Variants in JMJD1C observed in about 807,000 individuals in gnomAD.
JMJD1C encodes the protein jumonji domain-containing protein 1C.
In JMJD1C, 31 loss-of-function variants were observed where a neutral mutation model predicts 245.3. The ratio of observed to expected loss-of-function variants is 0.13; its 90% CI spans 0.09 to 0.17. JMJD1C has a LOEUF of 0.17. JMJD1C is among the 10% of genes least tolerant of loss of function. JMJD1C has a pLI of 1.00. For synonymous variants in JMJD1C, 1,057 were observed against 1,017.4 expected (o/e 1.04, Z -0.74); for missense variants, 2,691 against 3,000.2 (o/e 0.90, Z 2.41).
intron 24 of JMJD1C, among the ~76,000 whole-genome samples, chr10:63,171,180 TA>T (rs144129186): frequency 1.2e-4 from 18 of 148,640 alleles, no homozygotes; most frequent in Admixed American, 1.3e-4. Context: ...TGTGTTAACT[TA>T]AAAAAAAAAC....
At chr10:63,225,172 C>T (rs1849112372) in intron 3 of JMJD1C, among the ~76,000 whole-genome samples, 1 of 151,946 alleles carries the variant, frequency 6.6e-6, no homozygotes, top group Admixed American at 6.6e-5. Flanking sequence ...ATAACTAATA[C>T]CTATTAATTT....
chr10:63,213,261 T>G (rs561114225), intron 8 of JMJD1C, among the ~76,000 whole-genome samples: 1 of 151,984 alleles, frequency 6.6e-6, no homozygotes, highest in East Asian at 1.9e-4. Context: ...TCTAAAAAGT[T>G]TTACTTCTTT....
At chr10:63,199,764 C>T (rs144208918) in intron 11 of JMJD1C, among the ~76,000 whole-genome samples, 5 of 152,204 alleles carry the variant, frequency 3.3e-5, no homozygotes, top group East Asian at 3.9e-4. Context: ...CTTATCAACA[C>T]GTATTTTTGG....
chr10:63,363,999 T>G (rs1421825374), intron 2 of JMJD1C, among the ~76,000 whole-genome samples: 1 of 151,732 alleles, frequency 6.6e-6, no homozygotes, highest in Non-Finnish European at 1.5e-5. Context: ...GGGATTACAG[T>G]AATGCGCCAC....
chr10:63,234,506 A>AC (rs1850439855), intron 3 of JMJD1C, among the ~76,000 whole-genome samples: 2 of 148,630 alleles, frequency 1.3e-5, no homozygotes, highest in African/African-American at 5.0e-5. Flanking sequence ...AAAAAAAAAA[A>AC]AAAAAAAAAA....
intron 1 of JMJD1C, among the ~76,000 whole-genome samples, chr10:63,409,843 T>G (rs1949382758): frequency 6.6e-6 from 1 of 152,178 alleles, no homozygotes; most frequent in African/African-American, 2.4e-5. Flanking sequence ...TAAGGCATAA[T>G]GTTAGTAACA....
chr10:63,294,553 G>A (rs545371929), intron 2 of JMJD1C, among the ~76,000 whole-genome samples: 5 of 152,040 alleles, frequency 3.3e-5, no homozygotes, highest in Non-Finnish European at 7.4e-5. Context: ...CAAAGTGCTG[G>A]GATTACAGGC....
At chr10:63,320,181 C>T (rs1277042251) in intron 2 of JMJD1C, among the ~76,000 whole-genome samples, 2 of 152,192 alleles carry the variant, frequency 1.3e-5, no homozygotes, top group Non-Finnish European at 2.9e-5. Flanking sequence ...GCTGGGATTA[C>T]AGGAGTGAAC....
rs566275354 is a variant in JMJD1C at position 63,205,586 on chromosome 10, G to T, written c.5074+1009C>A. Reference sequence around the variant, plus strand: ...AGAAATGATTTAAAGTATATGGGAGGATGTGTGTAGGTTACATGCAAATAT... The same window carrying T: ...AGAAATGATTTAAAGTATATGGGAGTATGTGTGTAGGTTACATGCAAATAT... On this transcript the variant is annotated intron_variant, in intron 10 of 25. Transcript: ENST00000399262. Among the ~76,000 whole-genome samples, 7 of 152,170 alleles carry T rather than the reference G, an allele frequency of 4.6e-5. No individual in the cohort carries two copies. In the South Asian group the frequency reaches 6.2e-4, roughly 13 times the overall value.
At chr10:63,463,164 A>G (rs1023249761) in intron 1 of JMJD1C, among the ~76,000 whole-genome samples, 6 of 151,832 alleles carry the variant, frequency 4.0e-5, no homozygotes, top group Non-Finnish European at 7.4e-5. Context: ...TTCTTTTTAC[A>G]TATTTATTTA....
chr10:63,394,303 T>G (rs1948308565), intron 1 of JMJD1C, among the ~76,000 whole-genome samples: 1 of 152,060 alleles, frequency 6.6e-6, no homozygotes, highest in African/African-American at 2.4e-5. Flanking sequence ...ACAATTGAAT[T>G]TTTTTAAAAA....
At chr10:63,297,994 T>G (rs905229399) in intron 2 of JMJD1C, among the ~76,000 whole-genome samples, 8 of 151,964 alleles carry the variant, frequency 5.3e-5, no homozygotes, top group African/African-American at 1.7e-4. Context: ...CCACATTCCC[T>G]CCATCCACAC....
chr10:63,193,689 C>T (rs546704459), intron 14 of JMJD1C: 13 of 335,344 alleles, frequency 3.9e-5, no homozygotes, highest in Admixed American at 2.3e-4. Context: ...TTTTTTGAGA[C>T]GGAGTCTTGC....
At chr10:63,440,365 T>TAGAGAGAGAGAG (rs56364516) in intron 1 of JMJD1C, among the ~76,000 whole-genome samples, 1 of 138,250 alleles carries the variant, frequency 7.2e-6, no homozygotes, top group African/African-American at 2.7e-5. Flanking sequence ...TATATATATA[T>TAGAGAGAGAGAG]AGAGAGAGAG....
intron 1 of JMJD1C, among the ~76,000 whole-genome samples, chr10:63,445,071 C>A (rs1424716261): frequency 6.6e-6 from 1 of 151,740 alleles, no homozygotes. Context: ...TACAAAAAAA[C>A]AATTAAAAAA....
chr10:63,329,576 C>T (rs901441600), intron 2 of JMJD1C, among the ~76,000 whole-genome samples: 4 of 148,990 alleles, frequency 2.7e-5, no homozygotes, highest in African/African-American at 9.9e-5. Context: ...AGCAACAATA[C>T]ACTAACTTGA....
intron 1 of JMJD1C, among the ~76,000 whole-genome samples, chr10:63,513,922 A>G (rs933486403): frequency 8.2e-5 from 12 of 145,606 alleles, no homozygotes; most frequent in African/African-American, 2.9e-4. Context: ...CAAAAGATAA[A>G]ATAAAATAAA....
chr10:63,484,869 C>G (rs562680121), intron 1 of JMJD1C, among the ~76,000 whole-genome samples: 1 of 151,942 alleles, frequency 6.6e-6, no homozygotes, highest in Admixed American at 6.6e-5. Context: ...GAAACACTCA[C>G]CTTTCCTCAG....
intron 2 of JMJD1C, among the ~76,000 whole-genome samples, chr10:63,341,172 C>T (rs1216505540): frequency 2.6e-5 from 4 of 152,140 alleles, no homozygotes; most frequent in African/African-American, 9.7e-5. Flanking sequence ...ACTATAAATA[C>T]TCAATAGGTG....
Sources: allele counts gnomAD v4.1 joint callset (sites outside exome capture counted in the v4.1 genomes callset), GRCh38; gene constraint gnomAD v4.1.1; transcripts MANE v1.5; gene names NCBI Gene and HGNC (gene_info 2026-07-23, HGNC 2026-07-21).